Variants in MYH10 observed in about 807,000 individuals in gnomAD.
MYH10 encodes the protein myosin heavy chain 10.
A neutral mutation model predicts 257.8 loss-of-function variants in MYH10; 55 were observed. The ratio of observed to expected loss-of-function variants is 0.21; its 90% CI spans 0.17 to 0.27. The LOEUF (loss-of-function observed/expected upper bound fraction) is 0.27, where lower values mean the gene tolerates loss of function less well. Ranked by LOEUF, MYH10 falls within the 10% of genes least tolerant of loss-of-function variation. The pLI, the probability that MYH10 is intolerant of heterozygous loss-of-function variation, is 1.00. For synonymous variants in MYH10, 854 were observed against 921.7 expected, an observed-to-expected ratio of 0.93 and a Z score of 1.33; for missense variants, 1,631 against 2,500.6, an observed-to-expected ratio of 0.65 and a Z score of 7.42.
At position 8,575,549 on chromosome 17, in the gene MYH10, AG is replaced by A. The variant is rs1486076018; in HGVS notation, c.663+1093del. On this transcript the variant is annotated intron_variant, in intron 6 of 42. Coordinates refer to ENST00000360416, the MANE Select transcript of MYH10 (RefSeq NM_001256012.3). The stretch of plus-strand genomic sequence containing the variant: ...GCAAAAGGACATCATAGGCCTTCAT[AG>A]GTACAGTACAGCTTGGGTGGCTGGC... 6.2e-3 allele frequency among the ~76,000 whole-genome samples: 937 copies of A among 152,322 alleles called. 10 individuals are homozygous for A. The highest frequency in any genetic ancestry group is 0.022 in the African/African-American group (904 of 41,564).
chr17:8,622,249 T>A (rs1307921931), intron 2 of MYH10, among the ~76,000 whole-genome samples: 1 of 152,222 alleles, frequency 6.6e-6, no homozygotes, highest in Non-Finnish European at 1.5e-5. Flanking sequence ...TCTTTTAGTA[T>A]CTGGCTTACA....
intron 40 of MYH10, among the ~76,000 whole-genome samples, chr17:8,479,830 G>A (rs1331969288): frequency 2.0e-5 from 3 of 152,206 alleles, no homozygotes; most frequent in South Asian, 4.1e-4. Context: ...TTGGGAAATC[G>A]ACTTTGGGTA....
chr17:8,490,260 C>CATCTGA lies in MYH10; in HGVS notation c.4884+79_4884+80insTCAGAT, dbSNP rs1567785292. ...GTGTTTACTCAGATGTGTTCTAACA[C>CATCTGA]GAATGAACAGGATACTGACCCAGAG... On this transcript the variant is annotated intron_variant, in intron 35 of 42. Coordinates refer to ENST00000360416, the MANE Select transcript of MYH10 (RefSeq NM_001256012.3). The surrounding 1 kb of genome is among the most constrained non-coding windows in gnomAD (Gnocchi z 4.1). 8.0e-7 allele frequency: 1 copy of CATCTGA among 1,244,740 alleles called. No individual in the cohort carries two copies. 77.1% of individuals were successfully genotyped at this position (1,244,740 alleles called of 1,614,324 possible).
chr17:8,477,911 C>T lies in MYH10; in HGVS notation c.5706+427G>A, dbSNP rs898123403. Reference sequence around the variant, plus strand: ...GCCTGGATGCAGACGCTGAAGCTCACTCGGGTGCAGCGTGCAGTACCTTTG... The same window carrying T: ...GCCTGGATGCAGACGCTGAAGCTCATTCGGGTGCAGCGTGCAGTACCTTTG... On this transcript the variant is annotated intron_variant, in intron 41 of 42. Coordinates refer to ENST00000360416, the MANE Select transcript of MYH10 (RefSeq NM_001256012.3). This position sits in a 1 kb window ranked among gnomAD's most constrained non-coding sequence, Gnocchi z 4.2. Among the ~76,000 whole-genome samples the T allele has an allele frequency of 1.5e-4, 23 of 152,334 alleles. No individual in the cohort carries two copies. The highest frequency in any genetic ancestry group is 1.4e-3 in the Admixed American group (21 of 15,308).
rs1250208352 is a variant in MYH10, at chr17:8,535,399, G to C, written c.1882C>G (p.Leu628Val). The change falls in exon 16 of 43, where the codon CTT (leucine) becomes GTT (valine). Residue 628 changes from leucine to valine, a missense_variant. Coordinates refer to ENST00000360416, the MANE Select transcript of MYH10 (RefSeq NM_001256012.3). The surrounding 1 kb of genome is among the most constrained non-coding windows in gnomAD (Gnocchi z 4.3). ...AGCACTTTCTTACCATCTTTCCAAA[G>C]CTCTGCCACAAATCTGTCTGATGAC... ...HQSSDRFVAE[L>V]WKDEIQNIQR... The C allele has an allele frequency of 6.2e-7, 1 of 1,613,192 alleles. No individual in the cohort carries two copies. The highest frequency in any genetic ancestry group is 8.5e-7 in the Non-Finnish European group (1 of 1,179,506).
rs188084325 is a variant in MYH10 at position 8,587,183 on chromosome 17, G to A, written c.530+1898C>T. On this transcript the variant is annotated intron_variant, in intron 4 of 42. Coordinates refer to ENST00000360416, the MANE Select transcript of MYH10 (RefSeq NM_001256012.3). ...TCAGCCAGCCATCCCACAGTTGTCCGTAGACGCAGCAGTGAGCCTCCAATA... is the reference window on the plus strand; with the variant it reads ...TCAGCCAGCCATCCCACAGTTGTCCATAGACGCAGCAGTGAGCCTCCAATA... Among the ~76,000 whole-genome samples, 283 of 152,240 alleles carry A rather than the reference G, an allele frequency of 1.9e-3. 2 individuals are homozygous for A. Among genetic ancestry groups the A allele is most frequent in the Admixed American group, 0.017 (256 of 15,302 alleles).
chr17:8,562,269 T>TA (rs1220075660), intron 7 of MYH10, among the ~76,000 whole-genome samples: 3 of 152,350 alleles, frequency 2.0e-5, no homozygotes, highest in Middle Eastern at 3.4e-3. Context: ...GCAAATCAGG[T>TA]AAGATGCAGG....
chr17:8,563,721 GATAA>G (rs1245922529), intron 7 of MYH10, among the ~76,000 whole-genome samples: 2 of 152,198 alleles, frequency 1.3e-5, no homozygotes, highest in Non-Finnish European at 2.9e-5. Flanking sequence ...ACTGCCTTTT[GATAA>G]ATAGATATGA....
rs938785430 is a variant in MYH10, at chr17:8,490,942, G to A, written c.4672-390C>T. 3.9e-5 allele frequency among the ~76,000 whole-genome samples: 6 copies of A among 152,216 alleles called. No homozygotes were observed. The highest frequency in any genetic ancestry group is 5.9e-5 in the Non-Finnish European group (4 of 68,026). On this transcript the variant is annotated intron_variant, in intron 34 of 42. Transcript: ENST00000360416. This position sits in a 1 kb window ranked among gnomAD's most constrained non-coding sequence, Gnocchi z 4.1. ...CAACAGTACATCTCTTCTTGCTGTA[G>A]AGAAGATCATTCGTATTGAAAAGCA... is the stretch of plus-strand genomic sequence containing the variant.
chr17:8,610,136 T>C (rs1381198498), intron 2 of MYH10, among the ~76,000 whole-genome samples: 2 of 151,842 alleles, frequency 1.3e-5, no homozygotes, highest in African/African-American at 2.4e-5. Context: ...AATGACTCAC[T>C]ACTGATCAAT....
chr17:8,616,283 C>CA (rs529618910), intron 2 of MYH10, among the ~76,000 whole-genome samples: 56 of 139,224 alleles, frequency 4.0e-4, no homozygotes, highest in East Asian at 4.1e-4. Flanking sequence ...ACTTTGTCTC[C>CA]AAAAAAAAAA....
rs1045380574 is a variant in MYH10, at chr17:8,630,231, G to A, written c.-32+423C>T. 3.7e-4 allele frequency among the ~76,000 whole-genome samples: 56 copies of A among 151,270 alleles called. 1 individual carries two copies. The highest frequency in any genetic ancestry group is 1.3e-3 in the African/African-American group (53 of 41,126). ...CGGGGCACGCCGAGACCTCCGCCGG[G>A]ACACTAGCCCCTCGACCTCGCGCCC... On this transcript the variant is annotated intron_variant, in intron 1 of 42. Transcript: ENST00000360416.
intron 3 of MYH10, among the ~76,000 whole-genome samples, chr17:8,597,540 C>A (rs1169147021): frequency 6.6e-6 from 1 of 151,494 alleles, no homozygotes; most frequent in Non-Finnish European, 1.5e-5. Flanking sequence ...TTATATGTTG[C>A]CTTAATTAAA....
In MYH10 at chr17:8,569,581, T is replaced by G; in HGVS notation, c.756+139A>C. On this transcript the variant is annotated intron_variant, in intron 7 of 42. Transcript: ENST00000360416. The surrounding 1 kb of genome is among the most constrained non-coding windows in gnomAD (Gnocchi z 4.1). ...CTACTAGAAAATTTAAAATTACATG[T>G]GAGCTTGTATTATGTCTACAGAACT... The G allele has an allele frequency of 3.8e-6, 2 of 523,848 alleles. No individual in the cohort carries two copies. Among genetic ancestry groups the G allele is most frequent in the Non-Finnish European group, 6.3e-6 (2 of 317,860 alleles). The allele number at this position is 523,848 out of a possible 1,614,324, so 32.4% of individuals were successfully genotyped here.
At chr17:8,488,107 G>A (rs1359564974) in intron 35 of MYH10, among the ~76,000 whole-genome samples, 1 of 152,168 alleles carries the variant, frequency 6.6e-6, no homozygotes, top group Non-Finnish European at 1.5e-5. Flanking sequence ...TCCAATGGAG[G>A]AGGGACAAAA....
Position 8,604,474 on chromosome 17 carries a change from C to T in MYH10, c.502+352G>A, listed in dbSNP as rs369506330. ...CTTTACAATTTTTCTTTCCCCAGTG[C>T]AGCATCTACCTTTCCTATTATTCTT... On this transcript the variant is annotated intron_variant, in intron 3 of 42. Coordinates refer to ENST00000360416, the MANE Select transcript of MYH10 (RefSeq NM_001256012.3). Among the ~76,000 whole-genome samples, 4 of 152,186 alleles carry T rather than the reference C, an allele frequency of 2.6e-5. No homozygotes were observed. The East Asian group carries it at 7.7e-4, about 29-fold the overall frequency.
At chr17:8,608,962 C>T (rs991592053) in intron 2 of MYH10, among the ~76,000 whole-genome samples, 1 of 152,232 alleles carries the variant, frequency 6.6e-6, no homozygotes, top group African/African-American at 2.4e-5. Flanking sequence ...AGGCGCCTGC[C>T]ACCACGCCCC....
intron 2 of MYH10, among the ~76,000 whole-genome samples, chr17:8,609,021 C>A (rs1054034498): frequency 6.6e-6 from 1 of 152,138 alleles, no homozygotes; most frequent in South Asian, 2.1e-4. Flanking sequence ...CTGTGTTAGC[C>A]AGGATGGCCT....
intron 1 of MYH10, among the ~76,000 whole-genome samples, chr17:8,629,356 C>G (rs527599673): frequency 6.7e-6 from 1 of 149,790 alleles, no homozygotes; most frequent in African/African-American, 2.5e-5. Flanking sequence ...CAGCCCACCC[C>G]ACCCCCTTCC....
Sources: gnomAD v4.1 joint callset for allele counts (sites outside exome capture counted in the v4.1 genomes callset) on GRCh38, gnomAD v4.1.1 for gene constraint, Gnocchi (gnomAD v3.1) non-coding constraint, MANE v1.5 for transcripts, NCBI Gene and HGNC (gene_info 2026-07-23, HGNC 2026-07-21) for gene names.